The following KIF26B variants were observed in gnomAD, a reference collection of about 807,000 sequenced individuals.
KIF26B encodes the protein kinesin family member 26B.
In KIF26B, 63 loss-of-function variants were observed where a neutral mutation model predicts 151.2. That is an observed-to-expected ratio of 0.42 (90% CI 0.34 to 0.51). KIF26B has a LOEUF of 0.51. Ranked by LOEUF, KIF26B falls within the 20% of genes least tolerant of loss-of-function variation. The pLI is 0.07. For synonymous variants in KIF26B, 1,357 were observed against 1,262.1 expected (o/e 1.08, Z -1.59); for missense variants, 2,813 against 2,913.6 (o/e 0.97, Z 0.79).
intron 2 of KIF26B, among the ~76,000 whole-genome samples, chr1:245,278,792 C>T (rs748511229): frequency 3.3e-5 from 5 of 152,196 alleles, no homozygotes; most frequent in South Asian, 4.1e-4. Context: ...CTCTGCCACA[C>T]GCTTGCTGTT....
intron 1 of KIF26B, 110 bp downstream of exon 1, chr1:245,155,597 A>G: frequency 1.0e-6 from 1 of 954,106 alleles, no homozygotes; most frequent in Non-Finnish European, 1.5e-6. Flanking sequence ...CCCGCTGCAG[A>G]GGCGCCCCCG....
Position 245,702,784 on chromosome 1 carries a change from T to A in KIF26B, c.*178T>A. The A allele has an allele frequency of 1.6e-6, 1 of 642,108 alleles. No individual in the cohort carries two copies. The highest frequency in any genetic ancestry group is 2.5e-6 in the Non-Finnish European group (1 of 399,996). The allele number at this position is 642,108 out of a possible 1,614,324, so 39.8% of individuals were successfully genotyped here. A position where few individuals can be genotyped will look rare whatever the true frequency, so the allele number is the denominator to read the frequency against. On this transcript the variant is annotated 3_prime_UTR_variant, in exon 15 of 15. Transcript: ENST00000407071. The surrounding 1 kb of genome is among the most constrained non-coding windows in gnomAD (Gnocchi z 4.1). Reference sequence around the variant, plus strand: ...TTTCTTTTGTTTTCTGTAGGAAAGGTGCAAACGTCAAACACCGTGGAAGGA... The same window carrying A: ...TTTCTTTTGTTTTCTGTAGGAAAGGAGCAAACGTCAAACACCGTGGAAGGA...
chr1:245,315,277 C>T (rs9428356), intron 2 of KIF26B, among the ~76,000 whole-genome samples: 82,682 of 152,056 alleles, frequency 0.54, 22,818 homozygotes, highest in East Asian at 0.71. Context: ...TTGATGAAAA[C>T]GCTCTGGAGA....
intron 9 of KIF26B, among the ~76,000 whole-genome samples, chr1:245,625,327 G>C (rs2043711845): frequency 6.6e-6 from 1 of 151,980 alleles, no homozygotes; most frequent in African/African-American, 2.4e-5. Flanking sequence ...AAGTCTACCA[G>C]GATTCTGATT....
chr1:245,432,568 T>G (rs1281312929), intron 4 of KIF26B, among the ~76,000 whole-genome samples: 1 of 152,270 alleles, frequency 6.6e-6, no homozygotes, highest in African/African-American at 2.4e-5. Context: ...TTTCTTCCCT[T>G]GAATAAACTT....
intron 4 of KIF26B, among the ~76,000 whole-genome samples, chr1:245,446,470 A>G (rs1659253080): frequency 6.6e-6 from 1 of 152,330 alleles, no homozygotes; most frequent in Non-Finnish European, 1.5e-5. Flanking sequence ...CCCAGACATC[A>G]TGACCTCAGA....
intron 2 of KIF26B, among the ~76,000 whole-genome samples, chr1:245,282,230 A>C (rs1480799193): frequency 1.3e-5 from 2 of 152,184 alleles, no homozygotes; most frequent in African/African-American, 2.4e-5. Context: ...TCTTCACAGA[A>C]TTGGAAAAAA....
chr1:245,233,877 T>C (rs1368790899), intron 2 of KIF26B, among the ~76,000 whole-genome samples: 2 of 152,042 alleles, frequency 1.3e-5, no homozygotes, highest in African/African-American at 4.8e-5. Flanking sequence ...AATGGAAAAT[T>C]GGGACTTAGA....
intron 4 of KIF26B, among the ~76,000 whole-genome samples, chr1:245,526,433 G>A (rs761436423): frequency 6.6e-6 from 1 of 152,146 alleles, no homozygotes; most frequent in African/African-American, 2.4e-5. Context: ...TCTGTGTCTG[G>A]TACCTATTTG....
At position 245,704,070 on chromosome 1, in the gene KIF26B, C is replaced by A. The variant is rs1056780936; in HGVS notation, c.*1464C>A. On this transcript the variant is annotated 3_prime_UTR_variant, in exon 15 of 15. Transcript: ENST00000407071. ...ACCCATTTTAGTGATTGATAGAAAC[C>A]TGGGGTACAGAGTGGTCAAGGGATT... 1 of 149,372 alleles carries A rather than the reference C, an allele frequency of 6.7e-6. No homozygotes were observed. The highest frequency in any genetic ancestry group is 1.5e-5 in the Non-Finnish European group (1 of 67,520). 9.3% of individuals were successfully genotyped at this position (149,372 alleles called of 1,614,324 possible).
In KIF26B at chr1:245,265,532, A is replaced by G. The variant is rs1487231704; in HGVS notation, c.466-101302A>G. On this transcript the variant is annotated intron_variant, in intron 2 of 14. Coordinates refer to ENST00000407071, the MANE Select transcript of KIF26B (RefSeq NM_018012.4). ...TACATCAATGTGAAAAGCAAATTCT[A>G]AACAGTTTAGGGAAGAATATAGGAA... 3.9e-5 allele frequency among the ~76,000 whole-genome samples: 6 copies of G among 152,258 alleles called. No individual in the cohort carries two copies. The South Asian group carries it at 1.2e-3, about 32-fold the overall frequency.
chr1:245,232,357 A>G (rs1670015120), intron 2 of KIF26B, among the ~76,000 whole-genome samples: 1 of 152,164 alleles, frequency 6.6e-6, no homozygotes. Context: ...AATTTGGTAA[A>G]TTTTATTGAG....
rs562118896 is a variant in KIF26B, at chr1:245,549,837, A to C, written c.1350+8887A>C. Among the ~76,000 whole-genome samples, 26 of 152,102 alleles carry C rather than the reference A, an allele frequency of 1.7e-4. No homozygotes were observed. The South Asian group carries it at 4.8e-3, about 28-fold the overall frequency. On this transcript the variant is annotated intron_variant, in intron 5 of 14. Transcript: ENST00000407071. ...GCTCTGTCGCCCAGGCTGGAATGCA[A>C]TGGCACGATCTTGGCTCACTGCAAA...
In KIF26B at chr1:245,670,245, C is replaced by CATATATATATATATAT. The variant is rs10584392; in HGVS notation, c.2259-13967_2259-13952dup. Among the ~76,000 whole-genome samples the CATATATATATATATAT allele has an allele frequency of 2.2e-5, 3 of 134,740 alleles. 1 individual carries two copies. The highest frequency in any genetic ancestry group is 4.8e-5 in the Non-Finnish European group (3 of 62,320). 88.4% of individuals were successfully genotyped at this position (134,740 alleles called of 152,430 possible). A position where few individuals can be genotyped will look rare whatever the true frequency, so the allele number is the denominator to read the frequency against. On this transcript the variant is annotated intron_variant, in intron 10 of 14. Transcript: ENST00000407071. ...ATTCCATCGTATGCGTGTGTATATCCATATATATATATATATATATATATA... is the reference window on the plus strand; with the variant it reads ...ATTCCATCGTATGCGTGTGTATATCCATATATATATATATATATATATATATATATATATATATATA...
chr1:245,423,555 G>A (rs1478791146), intron 4 of KIF26B, among the ~76,000 whole-genome samples: 1 of 151,626 alleles, frequency 6.6e-6, no homozygotes, highest in Non-Finnish European at 1.5e-5. Context: ...CCTGTAATTT[G>A]TTTGAGAAGG....
chr1:245,452,253 G>A (rs916404247), intron 4 of KIF26B, among the ~76,000 whole-genome samples: 2 of 152,216 alleles, frequency 1.3e-5, no homozygotes, highest in Non-Finnish European at 2.9e-5. Flanking sequence ...GTTGTAGTGT[G>A]CATCGGAATT....
intron 4 of KIF26B, among the ~76,000 whole-genome samples, chr1:245,537,997 C>T (rs910120330): frequency 2.6e-5 from 4 of 152,104 alleles, no homozygotes; most frequent in East Asian, 1.9e-4. Flanking sequence ...AGGCCTCCAT[C>T]GTTAAGAAGC....
In KIF26B at chr1:245,312,436, C is replaced by T. The variant is rs75234690; in HGVS notation, c.466-54398C>T. ...TTTTAATCTACATAAATACAGGAGT[C>T]GTTTGCCTCTCTTTTTGTGTGTATG... On this transcript the variant is annotated intron_variant, in intron 2 of 14. Coordinates refer to ENST00000407071, the MANE Select transcript of KIF26B (RefSeq NM_018012.4). 8.6e-3 allele frequency among the ~76,000 whole-genome samples: 1,311 copies of T among 152,152 alleles called. 9 individuals carry two copies. The highest frequency in any genetic ancestry group is 0.011 in the Non-Finnish European group (768 of 68,016).
At chr1:245,451,247 A>T (rs2103052914) in intron 4 of KIF26B, among the ~76,000 whole-genome samples, 1 of 152,270 alleles carries the variant, frequency 6.6e-6, no homozygotes, top group Non-Finnish European at 1.5e-5. Context: ...ACTGTTCAGT[A>T]CTTTAATTGT....
Sources: allele counts gnomAD v4.1 joint callset (sites outside exome capture counted in the v4.1 genomes callset), GRCh38; gene constraint gnomAD v4.1.1; non-coding constraint Gnocchi (gnomAD v3.1); transcripts MANE v1.5; gene names NCBI Gene and HGNC (gene_info 2026-07-23, HGNC 2026-07-21).